NAV3: variants seen among roughly 807,000 people sequenced by gnomAD.
NAV3 encodes pore membrane and/or filament interacting like protein 1.
Under a neutral mutation model 244.7 loss-of-function variants are expected in NAV3, and 87 were observed. That is an observed-to-expected ratio of 0.36 (90% CI 0.30 to 0.42). NAV3 has a LOEUF of 0.42. Ranked by LOEUF, NAV3 falls within the 20% of genes least tolerant of loss-of-function variation. The probability of loss-of-function intolerance (pLI) is 1.00; values close to 1 mark genes in which losing one functional copy is unlikely to be tolerated. For missense variants in NAV3, 2,663 were observed against 2,893.3 expected (o/e 0.92, Z 1.83); for synonymous variants, 1,126 against 1,042.2 (o/e 1.08, Z -1.55).
At chr12:77,976,595 A>G (rs1269124719) in intron 5 of NAV3, among the ~76,000 whole-genome samples, 2 of 151,096 alleles carry the variant, frequency 1.3e-5, no homozygotes, top group East Asian at 3.9e-4. Flanking sequence ...GTTTATACAT[A>G]CATTTACTGT....
rs2137244437 is a variant in NAV3, at chr12:78,050,775, C to A, written c.2144C>A (p.Thr715Lys). The change falls in exon 11 of 40, where the codon ACA becomes AAA. Residue 715 changes from threonine (T) to lysine (K), a missense_variant. Physicochemically the swap from Thr to Lys is moderately conservative, Grantham distance 78. Transcript: ENST00000397909. ...GTQISHSTLETTFDSTVTTEV... is the reference protein window; with the variant it reads ...GTQISHSTLEKTFDSTVTTEV... ...ATTTTATTTGACAGCACCCTGGAGACAACATTTGACAGCACTGTGACAACA... is the reference window on the plus strand; with the variant it reads ...ATTTTATTTGACAGCACCCTGGAGAAAACATTTGACAGCACTGTGACAACA... 2 of 1,595,804 alleles carry A rather than the reference C, an allele frequency of 1.3e-6. No individual in the cohort carries two copies. The highest frequency in any genetic ancestry group is 8.6e-7 in the Non-Finnish European group (1 of 1,166,934).
At chr12:77,898,226 C>T (rs985766969) in intron 1 of NAV3, among the ~76,000 whole-genome samples, 1 of 152,094 alleles carries the variant, frequency 6.6e-6, no homozygotes, top group Admixed American at 6.6e-5. Context: ...TCTAATAATA[C>T]ATTTGCATTT....
At chr12:78,052,363 A>G (rs935857272) in intron 11 of NAV3, 3 of 152,178 alleles carry the variant, frequency 2.0e-5, no homozygotes, top group Non-Finnish European at 2.9e-5. Flanking sequence ...ATTAATTAAG[A>G]TAGGTTGTTG....
exon 2 of NAV3, chr12:77,572,110 C>G (rs1013459002): frequency 1.9e-5 from 3 of 154,236 alleles, no homozygotes; most frequent in Non-Finnish European, 4.4e-5. Context: ...ACGTGGCGGG[C>G]CAGTGTGTTC....
intron 1 of NAV3, among the ~76,000 whole-genome samples, chr12:77,931,355 T>C (rs1413928069): frequency 6.6e-6 from 1 of 151,672 alleles, no homozygotes; most frequent in Non-Finnish European, 1.5e-5. Context: ...TGTGTATGTA[T>C]CATTCATTTT....
At chr12:77,639,235 G>T (rs1243718090) in intron 2 of NAV3, among the ~76,000 whole-genome samples, 1 of 152,112 alleles carries the variant, frequency 6.6e-6, no homozygotes, top group Non-Finnish European at 1.5e-5. Context: ...AGGACTACAT[G>T]AATGTCCTTC....
At chr12:77,740,308 G>A (rs750049834) in intron 2 of NAV3, among the ~76,000 whole-genome samples, 2 of 152,098 alleles carry the variant, frequency 1.3e-5, no homozygotes, top group Non-Finnish European at 2.9e-5. Flanking sequence ...GGGGTAAACT[G>A]GTATGGAGTA....
intron 2 of NAV3, among the ~76,000 whole-genome samples, chr12:77,797,085 C>A (rs1871444175): frequency 6.6e-6 from 1 of 152,130 alleles, no homozygotes; most frequent in African/African-American, 2.4e-5. Flanking sequence ...CACTTTCATG[C>A]TATTTGTGAG....
chr12:78,201,823 A>G (rs762202812), intron 38 of NAV3, among the ~76,000 whole-genome samples: 1 of 152,014 alleles, frequency 6.6e-6, no homozygotes, highest in African/African-American at 2.4e-5. Context: ...GTCATCTACA[A>G]TAGTGTGTTG....
chr12:78,209,317 C>T (rs528193121), intron 39 of NAV3, among the ~76,000 whole-genome samples: 3 of 150,898 alleles, frequency 2.0e-5, no homozygotes, highest in East Asian at 4.0e-4. Flanking sequence ...ACCAAGGAAT[C>T]GTTTTTTAGA....
At chr12:78,200,720 A>G in intron 38 of NAV3, 129 bp downstream of exon 38, 2 of 447,702 alleles carry the variant, frequency 4.5e-6, no homozygotes, top group Non-Finnish European at 7.6e-6. Context: ...TGAATAGAGC[A>G]ATAAGGTTTT....
intron 2 of NAV3, among the ~76,000 whole-genome samples, chr12:77,579,497 G>C (rs1869248087): frequency 6.6e-6 from 1 of 152,232 alleles, no homozygotes; most frequent in Non-Finnish European, 1.5e-5. Flanking sequence ...GAAGAAGCAA[G>C]AGAGAGCTAG....
intron 2 of NAV3, among the ~76,000 whole-genome samples, chr12:77,613,030 C>T (rs1375494993): frequency 6.6e-6 from 1 of 152,110 alleles, no homozygotes; most frequent in Non-Finnish European, 1.5e-5. Flanking sequence ...CCTGAGCCTC[C>T]CCAACCATGC....
chr12:77,952,788 T>C (rs1308393841), intron 3 of NAV3, among the ~76,000 whole-genome samples: 1 of 152,140 alleles, frequency 6.6e-6, no homozygotes, highest in African/African-American at 2.4e-5. Context: ...GTGGCAGGGA[T>C]ATAAACTCTC....
intron 5 of NAV3, among the ~76,000 whole-genome samples, chr12:77,975,510 A>G (rs889962541): frequency 2.2e-4 from 33 of 152,230 alleles, no homozygotes; most frequent in African/African-American, 7.5e-4. Flanking sequence ...TTTAAATTTA[A>G]TGAGGACCGA....
At chr12:77,706,694 C>A (rs1875818352) in intron 2 of NAV3, among the ~76,000 whole-genome samples, 1 of 150,198 alleles carries the variant, frequency 6.7e-6, no homozygotes, top group African/African-American at 2.5e-5. Context: ...CACGGTGAAA[C>A]CCCGTCTCTA....
intron 31 of NAV3, among the ~76,000 whole-genome samples, chr12:78,187,088 A>C (rs1958754353): frequency 1.3e-5 from 2 of 151,938 alleles, no homozygotes; most frequent in African/African-American, 4.8e-5. Flanking sequence ...TTTTGAGGAG[A>C]CACAAATATC....
intron 1 of NAV3, among the ~76,000 whole-genome samples, chr12:77,904,608 C>A (rs559266756): frequency 6.6e-6 from 1 of 151,876 alleles, no homozygotes; most frequent in Non-Finnish European, 1.5e-5. Flanking sequence ...CAAACCTGCA[C>A]GTTGTGCACA....
chr12:77,690,897 T>C (rs1442396716), intron 2 of NAV3, among the ~76,000 whole-genome samples: 3 of 150,984 alleles, frequency 2.0e-5, no homozygotes, highest in Admixed American at 2.0e-4. Context: ...TCTGATTCTT[T>C]AGTTTTGATT....
Sources: allele counts gnomAD v4.1 joint callset (sites outside exome capture counted in the v4.1 genomes callset), GRCh38; gene constraint gnomAD v4.1.1; transcripts MANE v1.5; gene names NCBI Gene and HGNC (gene_info 2026-07-23, HGNC 2026-07-21).